RTTN: variants seen among roughly 807,000 people sequenced by gnomAD.
RTTN encodes rotatin.
In RTTN, 182 loss-of-function variants were observed where a neutral mutation model predicts 269.2. That is an observed-to-expected ratio of 0.68 (90% CI 0.60 to 0.76). RTTN has a LOEUF of 0.76. Ranked by LOEUF, RTTN falls within the 30% of genes least tolerant of loss-of-function variation. The probability of loss-of-function intolerance (pLI) is 0.00; values close to 1 mark genes in which losing one functional copy is unlikely to be tolerated. For synonymous variants in RTTN, 1,006 were observed against 963.5 expected (o/e 1.04, Z -0.82); for missense variants, 2,545 against 2,608.6 (o/e 0.98, Z 0.53).
At position 70,190,568 on chromosome 18, in the gene RTTN, G is replaced by A. The variant is rs1389789246; in HGVS notation, c.1159C>T (p.Leu387=). Residue 387 remains leucine, a synonymous_variant, in exon 9 of 49, where the codon CTG becomes TTG. Transcript: ENST00000640769. ...CTTAAGAGAGGAACAGCTGATTCCA[G>A]AATGGAGACACAAAACTGGGGAAGA... ...LSLPQFCVSI[L]ESAVPLLRTG... 1.2e-6 allele frequency: 2 copies of A among 1,613,700 alleles called. No homozygotes were observed. The highest frequency in any genetic ancestry group is 1.7e-6 in the Non-Finnish European group (2 of 1,179,628).
intron 39 of RTTN, 145 bp downstream of exon 39, chr18:70,051,266 T>G (rs1383561912): frequency 5.3e-6 from 5 of 951,830 alleles, no homozygotes; most frequent in Non-Finnish European, 7.2e-6. Flanking sequence ...ACACTGCAAA[T>G]TTTTCAAAGC....
rs1292714799 is a variant in RTTN at position 70,150,194 on chromosome 18, ATC to A, written c.2056-109_2056-108del. Reference sequence around the variant, plus strand: ...CATGTGGAAAGATGCTATAATTAACATCTCTTTCTTTCAAATGTTCGTACTTC... The same window carrying A: ...CATGTGGAAAGATGCTATAATTAACATCTTTCTTTCAAATGTTCGTACTTC... On this transcript the variant is annotated intron_variant, in intron 15 of 48. Transcript: ENST00000640769. The A allele has an allele frequency of 1.5e-5, 10 of 677,444 alleles. No individual in the cohort carries two copies. The East Asian group carries it at 2.6e-4, about 18-fold the overall frequency. 42.0% of individuals were successfully genotyped at this position (677,444 alleles called of 1,614,324 possible).
intron 25 of RTTN, among the ~76,000 whole-genome samples, chr18:70,122,346 T>C (rs1393004947): frequency 1.3e-5 from 2 of 152,184 alleles, no homozygotes; most frequent in Non-Finnish European, 2.9e-5. Context: ...AAATCGTTTT[T>C]TTTAAAAAGC....
At chr18:70,132,158 G>A (rs1317857901) in intron 23 of RTTN, among the ~76,000 whole-genome samples, 1 of 151,966 alleles carries the variant, frequency 6.6e-6, no homozygotes, top group Non-Finnish European at 1.5e-5. Flanking sequence ...TAAATTACAT[G>A]GCCTCAAAAT....
rs183255451 is a variant in RTTN at position 70,110,205 on chromosome 18, G to A, written c.3684-488C>T. Among the ~76,000 whole-genome samples the A allele has an allele frequency of 2.8e-4, 43 of 151,606 alleles. No homozygotes were observed. In the East Asian group the frequency reaches 7.0e-3, roughly 25 times the overall value. ...AAGAATGTGTCACTGCACTCCAGCC[G>A]GGGTGACATAGTGAGACCCCCATCC... is the stretch of plus-strand genomic sequence containing the variant. On this transcript the variant is annotated intron_variant, in intron 27 of 48. Transcript: ENST00000640769.
rs1325506983 is a variant in RTTN, at chr18:70,201,997, A to G, written c.398-14T>C. 2.1e-6 allele frequency: 3 copies of G among 1,457,838 alleles called. No homozygotes were observed. In the Admixed American group the frequency reaches 5.0e-5, roughly 25 times the overall value. The allele number at this position is 1,457,838 out of a possible 1,614,324, so 90.3% of individuals were successfully genotyped here. A position where few individuals can be genotyped will look rare whatever the true frequency, so the allele number is the denominator to read the frequency against. ...TTTTTGACAATTCTGAAAAGGAAAT[A>G]AACATTACTGTATTGTCGATTCCTT... On this transcript the variant is annotated splice_polypyrimidine_tract_variant and intron_variant, in intron 3 of 48. Transcript: ENST00000640769.
intron 5 of RTTN, among the ~76,000 whole-genome samples, chr18:70,198,631 T>C (rs1051156891): frequency 2.6e-5 from 4 of 152,186 alleles, no homozygotes; most frequent in Non-Finnish European, 4.4e-5. Context: ...TAAATCTCTA[T>C]ATATCAGCTA....
chr18:70,117,635 A>G (rs1047370773), intron 26 of RTTN, among the ~76,000 whole-genome samples: 1 of 152,092 alleles, frequency 6.6e-6, no homozygotes, highest in East Asian at 1.9e-4. Flanking sequence ...ACAATCATCT[A>G]GAGTCTTGTA....
At chr18:70,027,397 G>A (rs1365131048) in intron 43 of RTTN, among the ~76,000 whole-genome samples, 1 of 152,048 alleles carries the variant, frequency 6.6e-6, no homozygotes, top group Admixed American at 6.6e-5. Flanking sequence ...AATATTCTTT[G>A]GATTTACTTC....
intron 32 of RTTN, among the ~76,000 whole-genome samples, chr18:70,076,589 T>C (rs1329377876): frequency 6.6e-6 from 1 of 152,042 alleles, no homozygotes; most frequent in African/African-American, 2.4e-5. Flanking sequence ...ATTAAACCTC[T>C]TCAATATTCA....
intron 46 of RTTN, among the ~76,000 whole-genome samples, chr18:70,016,643 A>AT (rs1431218588): frequency 6.6e-6 from 1 of 151,968 alleles, no homozygotes; most frequent in Non-Finnish European, 1.5e-5. Flanking sequence ...TTTTGCTTCA[A>AT]TTTTTTTCTG....
chr18:70,054,007 G>T, intron 38 of RTTN, 124 bp downstream of exon 38: 1 of 763,160 alleles, frequency 1.3e-6, no homozygotes, highest in Non-Finnish European at 2.1e-6. Context: ...CATTATCAAA[G>T]CCTTCCAAAA....
intron 40 of RTTN, among the ~76,000 whole-genome samples, chr18:70,042,288 T>C (rs1167596854): frequency 6.6e-6 from 1 of 151,024 alleles, no homozygotes; most frequent in East Asian, 1.9e-4. Context: ...CTAAACATTT[T>C]AGAATACGAG....
At chr18:70,143,440 T>C (rs1203052461) in intron 18 of RTTN, among the ~76,000 whole-genome samples, 1 of 152,174 alleles carries the variant, frequency 6.6e-6, no homozygotes, top group Non-Finnish European at 1.5e-5. Context: ...ATCATGTCTT[T>C]TGAGGGAACA....
chr18:70,150,140 TCACCTGACA>T (rs2145792006), intron 15 of RTTN, 53 bp from the exon 16 acceptor site: 2 of 1,073,128 alleles, frequency 1.9e-6, no homozygotes, highest in Admixed American at 3.8e-5. Context: ...TCCCGCTAGG[TCACCTGACA>T]CACCTGGAAC....
At position 70,121,575 on chromosome 18, in the gene RTTN, A is replaced by C; in HGVS notation, c.3509T>G (p.Leu1170Arg). ...NSSLELLNWI[L>R]ELLLRHSANP... Reference sequence around the variant, plus strand: ...ACTTACATGTCTAAGAAGTAATTCGAGAATCCAGTTTAGAAGTTCTAGTGA... The same window carrying C: ...ACTTACATGTCTAAGAAGTAATTCGCGAATCCAGTTTAGAAGTTCTAGTGA... The change falls in exon 26 of 49, where the codon CTC becomes CGC. Residue 1170 changes from leucine to arginine, a missense_variant. Leu to Arg is a moderately radical substitution (Grantham distance 102, BLOSUM62 -2). Coordinates refer to ENST00000640769, the MANE Select transcript of RTTN (RefSeq NM_173630.4). 1 of 1,568,034 alleles carries C rather than the reference A, an allele frequency of 6.4e-7. No homozygotes were observed. The highest frequency in any genetic ancestry group is 1.4e-5 in the African/African-American group (1 of 72,058).
chr18:70,204,399 G>T (rs137872783), intron 2 of RTTN, 136 bp from the exon 3 acceptor site: 13 of 741,206 alleles, frequency 1.8e-5, no homozygotes, highest in Non-Finnish European at 2.6e-5. Context: ...GCTCTGCCCC[G>T]AAGTAAGGCA....
chr18:70,005,730 T>G (rs1236983708), intron 47 of RTTN: 2 of 154,524 alleles, frequency 1.3e-5, no homozygotes, highest in African/African-American at 2.4e-5. Context: ...CTCTTGTCCT[T>G]GTGTACGTGA....
At chr18:70,148,382 T>G (rs1416641467) in intron 17 of RTTN, among the ~76,000 whole-genome samples, 1 of 152,130 alleles carries the variant, frequency 6.6e-6, no homozygotes, top group African/African-American at 2.4e-5. Context: ...ATTAAAACAA[T>G]GCTTATATTA....
Sources: gnomAD v4.1 joint callset for allele counts (sites outside exome capture counted in the v4.1 genomes callset) on GRCh38, gnomAD v4.1.1 for gene constraint, MANE v1.5 for transcripts, NCBI Gene and HGNC (gene_info 2026-07-23, HGNC 2026-07-21) for gene names.